Variants in PRRX1 observed in about 807,000 individuals in gnomAD.
PRRX1 encodes paired mesoderm homeobox protein 1.
Under a neutral mutation model 24.0 loss-of-function variants are expected in PRRX1, and 8 were observed. The ratio of observed to expected loss-of-function variants is 0.33; its 90% CI spans 0.20 to 0.60. PRRX1 has a LOEUF of 0.60. Ranked by LOEUF, PRRX1 falls within the 20% of genes least tolerant of loss-of-function variation. The pLI, the probability that PRRX1 is intolerant of heterozygous loss-of-function variation, is 0.82. For synonymous variants in PRRX1, 160 were observed against 131.7 expected (o/e 1.22, Z -1.47); for missense variants, 281 against 322.4 (o/e 0.87, Z 0.98).
At chr1:170,731,575 G>A (rs766035861) in intron 3 of PRRX1, among the ~76,000 whole-genome samples, 19 of 152,138 alleles carry the variant, frequency 1.2e-4, no homozygotes, top group Admixed American at 3.3e-4. Context: ...CTTTAAAATC[G>A]TAGTACGAAT....
chr1:170,709,570 T>C (rs143736163), intron 1 of PRRX1, among the ~76,000 whole-genome samples: 2 of 152,262 alleles, frequency 1.3e-5, no homozygotes, highest in Admixed American at 1.3e-4. Context: ...TCACCAAGTG[T>C]ACTGGAATAT....
chr1:170,671,022 A>C (rs1038734283), intron 1 of PRRX1, among the ~76,000 whole-genome samples: 3 of 152,178 alleles, frequency 2.0e-5, no homozygotes, highest in Non-Finnish European at 4.4e-5. Context: ...TATTTTTACC[A>C]TCATTGAGTC....
intron 1 of PRRX1, among the ~76,000 whole-genome samples, chr1:170,693,252 C>T (rs1432507791): frequency 2.0e-5 from 3 of 152,054 alleles, no homozygotes; most frequent in Non-Finnish European, 4.4e-5. Flanking sequence ...TGATAAATGA[C>T]TCGCAAAATA....
chr1:170,719,862 C>A lies in PRRX1; in HGVS notation c.378C>A (p.Asp126Glu). The A allele has an allele frequency of 1.2e-6, 2 of 1,614,142 alleles. No homozygotes were observed. The highest frequency in any genetic ancestry group is 1.7e-6 in the Non-Finnish European group (2 of 1,180,020). ...THYPDAFVRE[D>E]LARRVNLTEA... ...ATCCTGATGCTTTTGTGCGAGAAGA[C>A]CTTGCCCGCCGGGTGAACCTCACCG... The change falls in exon 2 of 4, where the codon GAC (aspartate) becomes GAA (glutamate). Residue 126 changes from aspartate (D) to glutamate (E), a missense_variant. Physicochemically the swap from Asp to Glu is conservative, Grantham distance 45 (BLOSUM62 2). Transcript: ENST00000239461.
At chr1:170,665,088 A>C (rs1652871189) in intron 1 of PRRX1, among the ~76,000 whole-genome samples, 1 of 152,190 alleles carries the variant, frequency 6.6e-6, no homozygotes, top group South Asian at 2.1e-4. Flanking sequence ...AATGGGTTTG[A>C]GACTGGCAGA....
At chr1:170,695,644 A>C (rs565260156) in intron 1 of PRRX1, among the ~76,000 whole-genome samples, 1 of 152,150 alleles carries the variant, frequency 6.6e-6, no homozygotes, top group African/African-American at 2.4e-5. Context: ...TAAACATATC[A>C]ATTCCAATCA....
chr1:170,714,569 G>A (rs578024277), intron 1 of PRRX1, among the ~76,000 whole-genome samples: 112 of 150,968 alleles, frequency 7.4e-4, no homozygotes, highest in African/African-American at 2.7e-3. Flanking sequence ...ATGTTTTTCC[G>A]TACCTTTAAA....
intron 3 of PRRX1, chr1:170,730,256 C>T (rs762732783): frequency 5.0e-6 from 8 of 1,589,150 alleles, no homozygotes; most frequent in South Asian, 1.1e-5. Flanking sequence ...TTATTTCTCC[C>T]TTTCACACTT....
chr1:170,665,561 A>G (rs1376831140), intron 1 of PRRX1, among the ~76,000 whole-genome samples: 1 of 152,224 alleles, frequency 6.6e-6, no homozygotes, highest in Non-Finnish European at 1.5e-5. Context: ...TTTTGTCTTC[A>G]AATTTGGAAA....
In PRRX1 at chr1:170,664,424, G is replaced by A. The variant is rs201153811; in HGVS notation, c.206G>A (p.Gly69Glu). Reference sequence around the variant, plus strand: ...GGCCGGAGCCTGCTGGAGTCGCCGGGACTCACCAGCGGCAGCGACACCCCG... The same window carrying A: ...GGCCGGAGCCTGCTGGAGTCGCCGGAACTCACCAGCGGCAGCGACACCCCG... ...EAGRSLLESP[G>E]LTSGSDTPQQ... Residue 69 changes from glycine to glutamate, a missense_variant, in exon 1 of 4, where the codon GGA becomes GAA. Gly to Glu is a moderately conservative substitution (Grantham distance 98, BLOSUM62 -2). Transcript: ENST00000239461. The A allele has an allele frequency of 6.2e-7, 1 of 1,609,708 alleles. No individual in the cohort carries two copies. Among genetic ancestry groups the A allele is most frequent in the African/African-American group, 1.3e-5 (1 of 75,020 alleles).
At chr1:170,715,955 C>T (rs1654891538) in intron 1 of PRRX1, among the ~76,000 whole-genome samples, 1 of 152,126 alleles carries the variant, frequency 6.6e-6, no homozygotes, top group African/African-American at 2.4e-5. Context: ...GTCATCTGCA[C>T]TTAAGAGTGG....
At chr1:170,712,455 C>T (rs1346812095) in intron 1 of PRRX1, among the ~76,000 whole-genome samples, 1 of 152,158 alleles carries the variant, frequency 6.6e-6, no homozygotes, top group Non-Finnish European at 1.5e-5. Flanking sequence ...GAATGGCTTT[C>T]TCACTTTCTC....
chr1:170,736,109 G>A lies in PRRX1; in HGVS notation c.661G>A (p.Ala221Thr), dbSNP rs766421515. 3.7e-6 allele frequency: 6 copies of A among 1,614,120 alleles called. No homozygotes were observed. The highest frequency in any genetic ancestry group is 1.7e-4 in the Middle Eastern group (1 of 6,060). ...NNSPAQGINM[A>T]NSIANLRLKA... ...TAGCCCTGCACAGGGCATCAACATG[G>A]CCAACAGCATTGCCAACCTGAGACT... Residue 221 changes from alanine (A) to threonine (T), a missense_variant, in exon 4 of 4, where the codon GCC becomes ACC. Ala to Thr is a moderately conservative substitution (Grantham distance 58, BLOSUM62 0). Coordinates refer to ENST00000239461, the MANE Select transcript of PRRX1 (RefSeq NM_022716.4).
intron 1 of PRRX1, among the ~76,000 whole-genome samples, chr1:170,701,318 A>C (rs1348973742): frequency 1.3e-5 from 2 of 152,160 alleles, no homozygotes; most frequent in African/African-American, 4.8e-5. Context: ...GGAAAGATTG[A>C]CCTTTCATAC....
intron 1 of PRRX1, among the ~76,000 whole-genome samples, chr1:170,711,924 C>A (rs1654764304): frequency 6.6e-6 from 1 of 152,062 alleles, no homozygotes; most frequent in African/African-American, 2.4e-5. Flanking sequence ...TGGAATTTAC[C>A]AAAATAATCA....
intron 1 of PRRX1, among the ~76,000 whole-genome samples, chr1:170,679,290 A>C (rs1216455412): frequency 6.6e-6 from 1 of 152,244 alleles, no homozygotes; most frequent in Non-Finnish European, 1.5e-5. Flanking sequence ...TATAGCACTT[A>C]TTAGGCATCT....
At chr1:170,707,684 TA>T (rs1320383830) in intron 1 of PRRX1, among the ~76,000 whole-genome samples, 4 of 152,226 alleles carry the variant, frequency 2.6e-5, no homozygotes, top group Non-Finnish European at 4.4e-5. Flanking sequence ...TGTGCCATTT[TA>T]ATCAAATAGA....
At chr1:170,674,238 A>ACG (rs904148779) in intron 1 of PRRX1, among the ~76,000 whole-genome samples, 8 of 149,136 alleles carry the variant, frequency 5.4e-5, no homozygotes, top group Non-Finnish European at 1.1e-4. Flanking sequence ...TTGCGCACGC[A>ACG]CGCACACACA....
At chr1:170,680,347 A>G (rs903448950) in intron 1 of PRRX1, among the ~76,000 whole-genome samples, 3 of 152,336 alleles carry the variant, frequency 2.0e-5, no homozygotes, top group Admixed American at 6.5e-5. Flanking sequence ...AAAGAAGGGC[A>G]CTTGTAGAGA....
Sources: allele counts gnomAD v4.1 joint callset (sites outside exome capture counted in the v4.1 genomes callset), GRCh38; gene constraint gnomAD v4.1.1; transcripts MANE v1.5; gene names NCBI Gene and HGNC (gene_info 2026-07-23, HGNC 2026-07-21).